ETF1: variants seen among roughly 807,000 people sequenced by gnomAD.
ETF1 encodes eukaryotic peptide chain release factor subunit 1.
In ETF1, 4 loss-of-function variants were observed where a neutral mutation model predicts 55.1. That is an observed-to-expected ratio of 0.07 (90% CI 0.04 to 0.17). ETF1 has a LOEUF of 0.17. ETF1 is among the 10% of genes least tolerant of loss of function. The pLI is 1.00. For synonymous variants in ETF1, 157 were observed against 182.3 expected (o/e 0.86, Z 1.12); for missense variants, 142 against 523.6 (o/e 0.27, Z 7.11).
At chr5:138,519,633 A>T (rs1166020269) in intron 2 of ETF1, among the ~76,000 whole-genome samples, 1 of 151,834 alleles carries the variant, frequency 6.6e-6, no homozygotes, top group Non-Finnish European at 1.5e-5. Context: ...ACTGCACTCC[A>T]GCCTGGGCGA....
chr5:138,512,258 A>ATATATT (rs1484458741), intron 6 of ETF1, among the ~76,000 whole-genome samples: 13 of 20,002 alleles, frequency 6.5e-4, no homozygotes, highest in African/African-American at 2.5e-3. Flanking sequence ...ATATATATAT[A>ATATATT]TTTTTTTTTT....
chr5:138,539,196 C>T (rs1207069329), intron 2 of ETF1, among the ~76,000 whole-genome samples: 5 of 152,222 alleles, frequency 3.3e-5, no homozygotes, highest in African/African-American at 1.2e-4. Flanking sequence ...CAAATTAACA[C>T]TGTCCATTCC....
At chr5:138,516,385 C>T (rs1451603168) in intron 4 of ETF1, among the ~76,000 whole-genome samples, 1 of 152,010 alleles carries the variant, frequency 6.6e-6, no homozygotes, top group Admixed American at 6.6e-5. Flanking sequence ...CACACACACA[C>T]ACACACTTTG....
chr5:138,522,381 A>G (rs565411406), intron 2 of ETF1, among the ~76,000 whole-genome samples: 6 of 152,304 alleles, frequency 3.9e-5, no homozygotes, highest in Middle Eastern at 6.8e-3. Context: ...AAGAAATCGA[A>G]ATCTTCATTC....
chr5:138,519,174 G>A (rs1765135225), intron 2 of ETF1: 1 of 984,774 alleles, frequency 1.0e-6, no homozygotes, highest in African/African-American at 1.7e-5. Context: ...TAAATAAGGA[G>A]TGTCAACAGG....
At position 138,521,350 on chromosome 5, in the gene ETF1, T is replaced by C. The variant is rs147784065; in HGVS notation, c.87-2483A>G. On this transcript the variant is annotated intron_variant, in intron 2 of 10. Coordinates refer to ENST00000360541, the MANE Select transcript of ETF1 (RefSeq NM_004730.4). ...AAGGTGGAACTAGGCAGTTGTTTAA[T>C]AGTTGTTTTAGTTTTACAAGACGAA... is the stretch of plus-strand genomic sequence containing the variant. Among the ~76,000 whole-genome samples, 601 of 152,294 alleles carry C rather than the reference T, an allele frequency of 3.9e-3. 4 individuals are homozygous for C. The highest frequency in any genetic ancestry group is 0.012 in the African/African-American group (493 of 41,568).
chr5:138,534,141 T>A (rs564491140), intron 2 of ETF1, among the ~76,000 whole-genome samples: 163 of 152,238 alleles, frequency 1.1e-3, no homozygotes, highest in South Asian at 9.5e-3. Context: ...CACCCTAGGG[T>A]ACAGAATAAC....
intron 2 of ETF1, among the ~76,000 whole-genome samples, chr5:138,528,715 A>AT (rs1765574862): frequency 6.6e-6 from 1 of 152,204 alleles, no homozygotes; most frequent in African/African-American, 2.4e-5. Context: ...TGGGGGAAAC[A>AT]TTAAGTTTCT....
Position 138,506,603 on chromosome 5 carries a change from T to C in ETF1, c.*1702A>G, listed in dbSNP as rs1764567830. ...GCCTGTTCCGGTGAAGTCTCCCACG[T>C]TGGTGAACACCAAATAATGGACTCT... On this transcript the variant is annotated 3_prime_UTR_variant, in exon 11 of 11. Coordinates refer to ENST00000360541, the MANE Select transcript of ETF1 (RefSeq NM_004730.4). The C allele has an allele frequency of 1.3e-5, 2 of 152,660 alleles. No homozygotes were observed. The highest frequency in any genetic ancestry group is 1.9e-4 in the East Asian group (1 of 5,204). The allele number at this position is 152,660 out of a possible 1,614,324, so 9.5% of individuals were successfully genotyped here. A position where few individuals can be genotyped will look rare whatever the true frequency, so the allele number is the denominator to read the frequency against.
rs146304120 is a variant in ETF1, at chr5:138,520,340, A to C, written c.87-1473T>G. 6.5e-3 allele frequency among the ~76,000 whole-genome samples: 985 copies of C among 152,244 alleles called. 9 individuals are homozygous for C. The highest frequency in any genetic ancestry group is 0.022 in the African/African-American group (915 of 41,534). On this transcript the variant is annotated intron_variant, in intron 2 of 10. Transcript: ENST00000360541. ...CCATACACATAAACTAGAAAATCTA[A>C]AGGAAATGGGTAAATACCATCAAGG...
At chr5:138,541,761 T>A in intron 2 of ETF1, 2 of 196,928 alleles carry the variant, frequency 1.0e-5, no homozygotes, top group Non-Finnish European at 1.6e-5. Context: ...CAAACACTTT[T>A]TTTTGGGGGG....
chr5:138,522,044 G>A (rs1201163772), intron 2 of ETF1, among the ~76,000 whole-genome samples: 1 of 152,098 alleles, frequency 6.6e-6, no homozygotes, highest in African/African-American at 2.4e-5. Context: ...TCTACATCAA[G>A]TGGATTTCAA....
intron 3 of ETF1, among the ~76,000 whole-genome samples, 155 bp downstream of exon 3, chr5:138,518,537 A>C (rs1765112838): frequency 6.6e-6 from 1 of 152,206 alleles, no homozygotes; most frequent in Admixed American, 6.5e-5. Flanking sequence ...TAAACAAAAA[A>C]CAAAACAAAA....
At chr5:138,517,750 C>A in intron 3 of ETF1, 50 bp from the exon 4 acceptor site, 2 of 1,366,090 alleles carry the variant, frequency 1.5e-6, no homozygotes, top group Non-Finnish European at 9.6e-7. Flanking sequence ...TCTAGTTTTT[C>A]GTCAATTAAT....
chr5:138,529,681 G>GA lies in ETF1; in HGVS notation c.87-10815dup, dbSNP rs530425165. 6.3e-5 allele frequency: 62 copies of GA among 984,684 alleles called. No homozygotes were observed. The East Asian group carries it at 2.5e-3, about 40-fold the overall frequency. The allele number at this position is 984,684 out of a possible 1,614,324, so 61.0% of individuals were successfully genotyped here. On this transcript the variant is annotated intron_variant, in intron 2 of 10. Transcript: ENST00000360541. Reference sequence around the variant, plus strand: ...TGCTTCGCCCAGAGGGTTAACGTCTGAAAAATCAAACAGGTGAAAAAAAGG... The same window carrying GA: ...TGCTTCGCCCAGAGGGTTAACGTCTGAAAAAATCAAACAGGTGAAAAAAAGG...
chr5:138,515,666 G>C (rs1764987666), intron 4 of ETF1, among the ~76,000 whole-genome samples: 1 of 152,094 alleles, frequency 6.6e-6, no homozygotes, highest in South Asian at 2.1e-4. Context: ...AGGAGTTAAG[G>C]TTTGGAAAAA....
intron 2 of ETF1, chr5:138,529,654 A>AATG: frequency 1.0e-6 from 1 of 985,334 alleles, no homozygotes; most frequent in Non-Finnish European, 1.2e-6. Flanking sequence ...AGCTTTCATC[A>AATG]ATGCTTCGCC....
chr5:138,517,812 TTAAA>T, intron 3 of ETF1, 112 bp from the exon 4 acceptor site: 2 of 1,318,176 alleles, frequency 1.5e-6, no homozygotes, highest in Non-Finnish European at 2.0e-6. Flanking sequence ...AAGTCATAAT[TTAAA>T]TAAAGCAGAA....
intron 2 of ETF1, among the ~76,000 whole-genome samples, chr5:138,530,568 G>A (rs956926888): frequency 1.3e-5 from 2 of 151,024 alleles, no homozygotes; most frequent in Admixed American, 6.6e-5. Context: ...TTTAGCCACC[G>A]CACCCAGCTG....
Sources: allele counts gnomAD v4.1 joint callset (sites outside exome capture counted in the v4.1 genomes callset), GRCh38; gene constraint gnomAD v4.1.1; transcripts MANE v1.5; gene names NCBI Gene and HGNC (gene_info 2026-07-23, HGNC 2026-07-21).